Variants in NTRK3 observed in about 807,000 individuals in gnomAD.
NTRK3 encodes neurotrophic receptor tyrosine kinase 3.
Under a neutral mutation model 91.7 loss-of-function variants are expected in NTRK3, and 24 were observed. That is an observed-to-expected ratio of 0.26 (90% confidence interval 0.19 to 0.37). The LOEUF is 0.37. NTRK3 is among the 10% of genes least tolerant of loss of function. NTRK3 has a pLI of 1.00. For synonymous variants in NTRK3, 483 were observed against 404.0 expected (o/e 1.20, Z -2.34); for missense variants, 880 against 1,068.9 (o/e 0.82, Z 2.46).
intron 5 of NTRK3, among the ~76,000 whole-genome samples, chr15:88,151,406 G>A (rs1468716155): frequency 1.3e-5 from 2 of 152,148 alleles, no homozygotes; most frequent in Non-Finnish European, 2.9e-5. Flanking sequence ...GAGCTGAGAT[G>A]TCACCTCTGG....
intron 13 of NTRK3, among the ~76,000 whole-genome samples, chr15:88,056,229 C>A (rs2045681833): frequency 7.1e-6 from 1 of 141,782 alleles, no homozygotes; most frequent in African/African-American, 2.6e-5. Flanking sequence ...GAACCTTGAT[C>A]ATATGGAAGA....
chr15:87,988,607 T>C (rs2075038493), intron 14 of NTRK3, among the ~76,000 whole-genome samples: 1 of 152,228 alleles, frequency 6.6e-6, no homozygotes, highest in Non-Finnish European at 1.5e-5. Context: ...TAGAAAGTTA[T>C]ACTTTAAATT....
chr15:88,109,650 G>A (rs760761744), intron 13 of NTRK3, among the ~76,000 whole-genome samples: 7 of 152,120 alleles, frequency 4.6e-5, no homozygotes, highest in Non-Finnish European at 5.9e-5. Flanking sequence ...GGCGGGGGGC[G>A]TTGGGAAAGC....
chr15:88,230,065 G>C (rs1478103005), intron 3 of NTRK3, among the ~76,000 whole-genome samples: 1 of 152,218 alleles, frequency 6.6e-6, no homozygotes, highest in Admixed American at 6.5e-5. Flanking sequence ...TCTAGTTAGT[G>C]TTGCTAGCTG....
At chr15:87,899,256 T>C (rs1218204408) in intron 17 of NTRK3, among the ~76,000 whole-genome samples, 1 of 152,124 alleles carries the variant, frequency 6.6e-6, no homozygotes, top group Non-Finnish European at 1.5e-5. Context: ...TAGGCTGGAT[T>C]AGGGAGTAAT....
At chr15:88,087,650 G>C (rs561225843) in intron 13 of NTRK3, among the ~76,000 whole-genome samples, 2 of 152,320 alleles carry the variant, frequency 1.3e-5, no homozygotes, top group South Asian at 4.1e-4. Flanking sequence ...TTCCCACAAA[G>C]GGTCATACCT....
chr15:87,931,459 T>C (rs1193304122), intron 16 of NTRK3, among the ~76,000 whole-genome samples: 1 of 152,250 alleles, frequency 6.6e-6, no homozygotes, highest in Non-Finnish European at 1.5e-5. Context: ...CTAAGCATTA[T>C]ACATATAGTC....
intron 13 of NTRK3, chr15:88,099,176 G>C (rs1310558799): frequency 8.7e-6 from 2 of 230,572 alleles, no homozygotes; most frequent in Non-Finnish European, 1.7e-5. Flanking sequence ...GGAGGTGACC[G>C]GTACAGTGTA....
intron 14 of NTRK3, among the ~76,000 whole-genome samples, chr15:88,022,923 C>A (rs2077707054): frequency 4.6e-5 from 7 of 152,192 alleles, no homozygotes; most frequent in Admixed American, 3.9e-4. Flanking sequence ...ATGATAACCA[C>A]AAGGATGGCA....
At chr15:88,242,746 A>C (rs1018631355) in intron 3 of NTRK3, among the ~76,000 whole-genome samples, 1 of 152,184 alleles carries the variant, frequency 6.6e-6, no homozygotes, top group Non-Finnish European at 1.5e-5. Flanking sequence ...GCATCTGCTC[A>C]TTCTTCCCCA....
chr15:87,883,543 A>C (rs1157193793), intron 17 of NTRK3, among the ~76,000 whole-genome samples: 1 of 151,262 alleles, frequency 6.6e-6, no homozygotes, highest in Non-Finnish European at 1.5e-5. Context: ...CTTTAAAAAT[A>C]CAAATAATGG....
intron 14 of NTRK3, among the ~76,000 whole-genome samples, chr15:88,011,066 G>T (rs2141759776): frequency 6.6e-6 from 1 of 152,204 alleles, no homozygotes; most frequent in Admixed American, 6.5e-5. Flanking sequence ...GGGTTGTTGA[G>T]GGATATTTTC....
chr15:88,033,015 T>C (rs2142023020), exon 14 of NTRK3: 2 of 1,600,672 alleles, frequency 1.2e-6, no homozygotes, highest in Non-Finnish European at 1.7e-6. Flanking sequence ...GCTGGCTGAG[T>C]CCTCCTCACC....
chr15:88,139,969 G>A (rs1378503867), intron 6 of NTRK3, among the ~76,000 whole-genome samples: 1 of 152,104 alleles, frequency 6.6e-6, no homozygotes, highest in Non-Finnish European at 1.5e-5. Context: ...AAGTAACAAA[G>A]GCAAAGGGAA....
At chr15:87,874,209 T>TC in exon 19 of NTRK3, 1 of 34,788 alleles carries the variant, frequency 2.9e-5, no homozygotes, top group Non-Finnish European at 5.4e-5. Flanking sequence ...CCAAAATAAA[T>TC]CTTTTTTTTT....
intron 17 of NTRK3, chr15:87,927,887 C>G (rs1336213374): frequency 6.6e-6 from 1 of 152,216 alleles, no homozygotes; most frequent in Non-Finnish European, 1.5e-5. Context: ...TATGACATCC[C>G]TTGACCTCCA....
intron 6 of NTRK3, chr15:88,143,926 A>C (rs1167570432): frequency 6.6e-6 from 1 of 152,224 alleles, no homozygotes; most frequent in Non-Finnish European, 1.5e-5. Flanking sequence ...TGCTCCATGC[A>C]TGCAGGGTAT....
At chr15:88,138,963 G>T (rs2042133278) in intron 6 of NTRK3, among the ~76,000 whole-genome samples, 2 of 152,168 alleles carry the variant, frequency 1.3e-5, no homozygotes, top group African/African-American at 4.8e-5. Flanking sequence ...GGAGTAGGTG[G>T]TTATCTATTT....
intron 14 of NTRK3, among the ~76,000 whole-genome samples, chr15:87,954,770 T>C (rs1397259762): frequency 1.3e-5 from 2 of 152,254 alleles, no homozygotes; most frequent in African/African-American, 4.8e-5. Context: ...CCTGCTGTGC[T>C]GTCTACACTG....
Sources: allele counts gnomAD v4.1 joint callset (sites outside exome capture counted in the v4.1 genomes callset), GRCh38; gene constraint gnomAD v4.1.1; transcripts MANE v1.5; gene names NCBI Gene and HGNC (gene_info 2026-07-23, HGNC 2026-07-21).